Variants in MCOLN2 observed in about 807,000 individuals in gnomAD.
MCOLN2 encodes the protein mucolipin-2.
A neutral mutation model predicts 67.5 loss-of-function variants in MCOLN2; 57 were observed. The observed-to-expected ratio is 0.84, with a 90% confidence interval of 0.68 to 1.05. The LOEUF (loss-of-function observed/expected upper bound fraction) is 1.05, where lower values mean the gene tolerates loss of function less well. Ranked by LOEUF, MCOLN2 falls within the 50% of genes least tolerant of loss-of-function variation. MCOLN2 has a pLI of 0.00. For synonymous variants in MCOLN2, 246 were observed against 233.3 expected, an observed-to-expected ratio of 1.05 and a Z score of -0.50; for missense variants, 620 against 678.8, an observed-to-expected ratio of 0.91 and a Z score of 0.96.
At chr1:84,948,639 A>G (rs1031920838) in intron 6 of MCOLN2, among the ~76,000 whole-genome samples, 4 of 152,252 alleles carry the variant, frequency 2.6e-5, no homozygotes, top group Non-Finnish European at 5.9e-5. Context: ...AATGATCTTA[A>G]GAAAGCTCAG....
Position 84,996,916 on chromosome 1 carries a change from A to T in MCOLN2, c.-44T>A, listed in dbSNP as rs751593463. ...TTCCAGGGCTCTCGGGATTCGGAAC[A>T]GGAAACACCGTTCACGGCCGACTCA... On this transcript the variant is annotated 5_prime_UTR_variant, in exon 1 of 14. Transcript: ENST00000370608. 4 of 1,550,096 alleles carry T rather than the reference A, an allele frequency of 2.6e-6. No homozygotes were observed. The highest frequency in any genetic ancestry group is 3.6e-6 in the Non-Finnish European group (4 of 1,122,156).
chr1:84,926,777 G>C, intron 13 of MCOLN2, 56 bp from the exon 14 acceptor site: 1 of 1,363,110 alleles, frequency 7.3e-7, no homozygotes, highest in Non-Finnish European at 1.0e-6. Context: ...TAACATCTTT[G>C]AGGAGCAATA....
chr1:84,987,431 CGTATATAGAT>C (rs1650589179), intron 1 of MCOLN2, among the ~76,000 whole-genome samples: 1 of 97,704 alleles, frequency 1.0e-5, no homozygotes, highest in Admixed American at 1.1e-4. Context: ...TACCTATATA[CGTATATAGAT>C]ATATACATAT....
chr1:84,945,115 T>C (rs548929910), intron 7 of MCOLN2, among the ~76,000 whole-genome samples: 2 of 152,232 alleles, frequency 1.3e-5, no homozygotes, highest in African/African-American at 4.8e-5. Flanking sequence ...GTGTTTCTCC[T>C]CATTGGCCAC....
intron 2 of MCOLN2, among the ~76,000 whole-genome samples, chr1:84,960,072 T>C (rs550906482): frequency 6.6e-6 from 1 of 152,220 alleles, no homozygotes; most frequent in Non-Finnish European, 1.5e-5. Flanking sequence ...AATTTGCATA[T>C]GCAAACAACA....
At chr1:84,952,730 C>A (rs1189364275) in intron 4 of MCOLN2, among the ~76,000 whole-genome samples, 200 bp from the exon 5 acceptor site, 1 of 152,216 alleles carries the variant, frequency 6.6e-6, no homozygotes, top group Non-Finnish European at 1.5e-5. Context: ...CCACACTAAC[C>A]AAGTGATCAG....
At chr1:84,976,646 A>G (rs1263127850) in intron 1 of MCOLN2, among the ~76,000 whole-genome samples, 1 of 152,144 alleles carries the variant, frequency 6.6e-6, no homozygotes, top group Non-Finnish European at 1.5e-5. Context: ...CAGGCCTGTA[A>G]TCCCAGCTAC....
intron 1 of MCOLN2, among the ~76,000 whole-genome samples, chr1:84,990,114 G>A (rs978951638): frequency 1.5e-4 from 22 of 150,904 alleles, no homozygotes; most frequent in African/African-American, 5.1e-4. Flanking sequence ...GGCCAACATA[G>A]TGAAACCCCA....
intron 11 of MCOLN2, among the ~76,000 whole-genome samples, chr1:84,935,532 T>C (rs1647377862): frequency 6.6e-6 from 1 of 152,204 alleles, no homozygotes; most frequent in African/African-American, 2.4e-5. Flanking sequence ...GTGGATAAAA[T>C]ATCCACCAGA....
chr1:84,938,083 C>A lies in MCOLN2; in HGVS notation c.1111-1G>T. 6.3e-7 allele frequency: 1 copy of A among 1,598,234 alleles called. No homozygotes were observed. The highest frequency in any genetic ancestry group is 1.1e-5 in the South Asian group (1 of 89,082). The stretch of plus-strand genomic sequence containing the variant: ...TGCAGAGATCATAGTTTGTGAGATT[C>A]TAAGGAATGAAAAAAAAGAAAGAGA... On this transcript the variant is annotated splice_acceptor_variant, in intron 9 of 13. Coordinates refer to ENST00000370608, the MANE Select transcript of MCOLN2 (RefSeq NM_153259.4). LOFTEE classifies it high-confidence loss of function.
intron 1 of MCOLN2, among the ~76,000 whole-genome samples, chr1:84,988,805 C>T (rs1650741145): frequency 6.6e-6 from 1 of 152,166 alleles, no homozygotes; most frequent in African/African-American, 2.4e-5. Context: ...AGACTCCTGC[C>T]CACTCCTCCC....
At chr1:84,934,730 A>C (rs1390072820) in intron 11 of MCOLN2, among the ~76,000 whole-genome samples, 1 of 152,234 alleles carries the variant, frequency 6.6e-6, no homozygotes, top group East Asian at 1.9e-4. Flanking sequence ...CATTAGAGTA[A>C]TGTTTAATAA....
chr1:84,995,469 G>C (rs572593263), intron 1 of MCOLN2, among the ~76,000 whole-genome samples: 3 of 152,284 alleles, frequency 2.0e-5, no homozygotes, highest in African/African-American at 7.2e-5. Context: ...TAATTCTTCA[G>C]AACTGACACA....
At chr1:84,926,870 G>A (rs775240411) in intron 13 of MCOLN2, 149 bp from the exon 14 acceptor site, 6 of 457,076 alleles carry the variant, frequency 1.3e-5, no homozygotes, top group Non-Finnish European at 2.2e-5. Flanking sequence ...GACAGGCAAG[G>A]TATTCTGATT....
intron 2 of MCOLN2, among the ~76,000 whole-genome samples, chr1:84,962,322 G>C (rs1195020803): frequency 6.6e-6 from 1 of 152,148 alleles, no homozygotes; most frequent in Admixed American, 6.6e-5. Flanking sequence ...AAGGTGAGAG[G>C]ACTGTTTGAA....
At chr1:84,972,852 T>C (rs1412869981) in intron 1 of MCOLN2, among the ~76,000 whole-genome samples, 1 of 152,200 alleles carries the variant, frequency 6.6e-6, no homozygotes. Context: ...AAAAGGCTCT[T>C]GACCTTTGCC....
At chr1:84,937,727 T>G in intron 11 of MCOLN2, 28 bp downstream of exon 11, 1 of 1,612,654 alleles carries the variant, frequency 6.2e-7, no homozygotes, top group Non-Finnish European at 8.5e-7. Flanking sequence ...GTGCCCCATC[T>G]GCAGAAGGAA....
intron 1 of MCOLN2, among the ~76,000 whole-genome samples, chr1:84,994,165 C>CTGTCA (rs1651035072): frequency 6.6e-6 from 1 of 152,164 alleles, no homozygotes; most frequent in South Asian, 2.1e-4. Context: ...AACAAGTGTA[C>CTGTCA]TGTCATCTAG....
intron 2 of MCOLN2, among the ~76,000 whole-genome samples, chr1:84,962,197 G>C (rs1649123378): frequency 6.6e-6 from 1 of 152,122 alleles, no homozygotes; most frequent in Non-Finnish European, 1.5e-5. Flanking sequence ...GGGGAAACAG[G>C]GTATGCCCAC....
Sources: allele counts gnomAD v4.1 joint callset (sites outside exome capture counted in the v4.1 genomes callset), GRCh38; gene constraint gnomAD v4.1.1; transcripts MANE v1.5; gene names NCBI Gene and HGNC (gene_info 2026-07-23, HGNC 2026-07-21).